Variants in HGD observed in about 807,000 individuals in gnomAD.
HGD encodes homogentisate oxidase.
A neutral mutation model predicts 60.8 loss-of-function variants in HGD; 61 were observed. That is an observed-to-expected ratio of 1.00 (90% CI 0.82 to 1.24). HGD has a LOEUF of 1.24. Among genes scored for constraint, HGD ranks in the 50% most tolerant of loss-of-function variants. The pLI is 0.00. For synonymous variants in HGD, 212 were observed against 187.7 expected, an observed-to-expected ratio of 1.13 and a Z score of -1.06; for missense variants, 542 against 547.1, an observed-to-expected ratio of 0.99 and a Z score of 0.09.
At chr3:120,653,427 C>A (rs1044524502) in intron 4 of HGD, among the ~76,000 whole-genome samples, 5 of 152,128 alleles carry the variant, frequency 3.3e-5, no homozygotes, top group African/African-American at 1.2e-4. Flanking sequence ...CGACCCGCAC[C>A]CTGAAGACTA....
intron 1 of HGD, among the ~76,000 whole-genome samples, chr3:120,676,469 A>G (rs1708133127): frequency 6.6e-6 from 1 of 152,188 alleles, no homozygotes; most frequent in Non-Finnish European, 1.5e-5. Flanking sequence ...GGGTTTCTCA[A>G]CCAGGTAAGT....
chr3:120,644,644 A>C lies in HGD; in HGVS notation c.650-201T>G, dbSNP rs375448061. 477 of 1,520,280 alleles carry C rather than the reference A, an allele frequency of 3.1e-4. 2 individuals are homozygous for C. The African/African-American group carries it at 5.8e-3, about 18-fold the overall frequency. The allele number at this position is 1,520,280 out of a possible 1,614,324, so 94.2% of individuals were successfully genotyped here. On this transcript the variant is annotated intron_variant, in intron 9 of 13. Transcript: ENST00000283871. Reference sequence around the variant, plus strand: ...TCTGGTCAGAAAAAAATTCACAAAAACCAGCATTACTTTCTAAGGTTGTGG... The same window carrying C: ...TCTGGTCAGAAAAAAATTCACAAAACCCAGCATTACTTTCTAAGGTTGTGG...
chr3:120,628,187 C>T lies in HGD; in HGVS notation c.*193G>A. 1 of 626,244 alleles carries T rather than the reference C, an allele frequency of 1.6e-6. No individual in the cohort carries two copies. The highest frequency in any genetic ancestry group is 1.9e-5 in the South Asian group (1 of 53,658). 38.8% of individuals were successfully genotyped at this position (626,244 alleles called of 1,614,324 possible). A position where few individuals can be genotyped will look rare whatever the true frequency, so the allele number is the denominator to read the frequency against. On this transcript the variant is annotated 3_prime_UTR_variant, in exon 14 of 14. Coordinates refer to ENST00000283871, the MANE Select transcript of HGD (RefSeq NM_000187.4). ...AATCACTACGTCCACAGAACACCAG[C>T]AAGTTTATTGAGTAATTAAGGTGAC...
intron 4 of HGD, among the ~76,000 whole-genome samples, chr3:120,654,686 A>G (rs1941440894): frequency 6.6e-6 from 1 of 152,216 alleles, no homozygotes; most frequent in South Asian, 2.1e-4. Context: ...GGAAAGAAAG[A>G]AGAGAGAGAG....
intron 4 of HGD, among the ~76,000 whole-genome samples, chr3:120,664,426 CTTT>C (rs71133513): frequency 5.1e-5 from 6 of 118,802 alleles, no homozygotes; most frequent in Admixed American, 2.0e-4. Context: ...TTTTTTCTTC[CTTT>C]TTTTTTTTTT....
chr3:120,674,189 A>C (rs1213937663), intron 3 of HGD, among the ~76,000 whole-genome samples: 4 of 152,166 alleles, frequency 2.6e-5, no homozygotes, highest in Admixed American at 6.6e-5. Flanking sequence ...ACCTCAGCCT[A>C]AAATTTTTAT....
intron 10 of HGD, 118 bp downstream of exon 10, chr3:120,644,201 G>A (rs574156697): frequency 8.3e-5 from 98 of 1,185,856 alleles, no homozygotes; most frequent in Admixed American, 3.2e-4. Context: ...TTGTAGTGCC[G>A]TAGTGGTATG....
At chr3:120,644,547 C>G (rs1559786953) in intron 9 of HGD, 104 bp from the exon 10 acceptor site, 1 of 1,584,592 alleles carries the variant, frequency 6.3e-7, no homozygotes, top group Non-Finnish European at 8.6e-7. Context: ...AAGAGCTACT[C>G]CACAAATTGC....
chr3:120,650,729 C>G, intron 6 of HGD, 45 bp downstream of exon 6: 1 of 1,436,940 alleles, frequency 7.0e-7, no homozygotes, highest in Non-Finnish European at 9.8e-7. Context: ...TGGCCAAAAT[C>G]CCTTAGAAGA....
rs756789146 is a variant in HGD at position 120,644,420 on chromosome 3, G to A, written c.673C>T (p.Arg225Cys). ...PIGANGLANP[R>C]DFLIPIAWYE... ...CAGGCAATGGGTATCAAGAAATCAC[G>A]AGGATTGGCCAAGCCATTGGCCCCT... The change falls in exon 10 of 14, where the codon CGT becomes TGT. Residue 225 changes from arginine (R) to cysteine (C), a missense_variant. By Grantham distance (180) the Arg-to-Cys change is radical. This residue lies in a region of HGD where 537 missense variants were observed against 529.1 expected (regional missense o/e 1.01). Coordinates refer to ENST00000283871, the MANE Select transcript of HGD (RefSeq NM_000187.4). The A allele has an allele frequency of 8.1e-6, 13 of 1,614,076 alleles. No homozygotes were observed. The highest frequency in any genetic ancestry group is 1.6e-4 in the Middle Eastern group (1 of 6,062).
At chr3:120,652,050 A>T (rs1390200416) in intron 5 of HGD, among the ~76,000 whole-genome samples, 1 of 152,224 alleles carries the variant, frequency 6.6e-6, no homozygotes, top group Non-Finnish European at 1.5e-5. Context: ...ATCACATTAT[A>T]GTTGTTATAG....
intron 11 of HGD, 69 bp from the exon 12 acceptor site, chr3:120,638,650 A>C: frequency 9.6e-6 from 15 of 1,563,790 alleles, no homozygotes; most frequent in Non-Finnish European, 1.2e-5. Context: ...CACACATTTC[A>C]TGCATACATG....
intron 3 of HGD, 184 bp downstream of exon 3, chr3:120,674,717 C>T: frequency 1.7e-6 from 1 of 591,082 alleles, no homozygotes; most frequent in South Asian, 1.7e-5. Context: ...CACCTTCTTC[C>T]ACCAGTCACT....
intron 4 of HGD, among the ~76,000 whole-genome samples, chr3:120,664,416 T>A (rs1474648390): frequency 6.9e-6 from 1 of 144,758 alleles, no homozygotes; most frequent in African/African-American, 2.5e-5. Flanking sequence ...TCCTTCTTTC[T>A]TTTTTCTTCC....
At chr3:120,646,656 TAAA>T (rs201866348) in intron 8 of HGD, among the ~76,000 whole-genome samples, 1 of 141,310 alleles carries the variant, frequency 7.1e-6, no homozygotes, top group Non-Finnish European at 1.6e-5. Context: ...TTAGCCACAC[TAAA>T]AAAAAAAAAA....
intron 11 of HGD, among the ~76,000 whole-genome samples, chr3:120,641,347 G>A (rs1940971716): frequency 6.6e-6 from 1 of 152,192 alleles, no homozygotes; most frequent in Admixed American, 6.5e-5. Flanking sequence ...GCAAATACAA[G>A]TCAGAGTATC....
chr3:120,648,081 G>A (rs1355150989), intron 6 of HGD, among the ~76,000 whole-genome samples, 170 bp from the exon 7 acceptor site: 5 of 152,194 alleles, frequency 3.3e-5, no homozygotes, highest in Non-Finnish European at 4.4e-5. Flanking sequence ...AGTCTAGTGG[G>A]GAGTCAGAGA....
At chr3:120,647,973 C>T in intron 6 of HGD, 62 bp from the exon 7 acceptor site, 1 of 1,317,828 alleles carries the variant, frequency 7.6e-7, no homozygotes, top group Non-Finnish European at 1.1e-6. Flanking sequence ...CAAATTACGT[C>T]ATAACACAAA....
chr3:120,678,860 A>G (rs1708181514), intron 1 of HGD, among the ~76,000 whole-genome samples: 1 of 152,184 alleles, frequency 6.6e-6, no homozygotes, highest in Non-Finnish European at 1.5e-5. Flanking sequence ...TTCTCCAGAC[A>G]TTGAGCTCAA....
Sources: gnomAD v4.1 joint callset for allele counts (sites outside exome capture counted in the v4.1 genomes callset) on GRCh38, gnomAD v4.1.1 for gene constraint, gnomAD v4.1.1 regional missense constraint, MANE v1.5 for transcripts, NCBI Gene and HGNC (gene_info 2026-07-23, HGNC 2026-07-21) for gene names.